Variants in SZT2 observed in about 807,000 individuals in gnomAD.
SZT2 encodes KICSTOR complex protein SZT2.
Under a neutral mutation model 404.2 loss-of-function variants are expected in SZT2, and 216 were observed. The observed-to-expected ratio is 0.53, with a 90% CI of 0.48 to 0.60. The LOEUF (loss-of-function observed/expected upper bound fraction) is 0.60, where lower values mean the gene tolerates loss of function less well. Ranked by LOEUF, SZT2 falls within the 20% of genes least tolerant of loss-of-function variation. The pLI, the probability that SZT2 is intolerant of heterozygous loss-of-function variation, is 0.00. For synonymous variants in SZT2, 1,693 were observed against 1,749.9 expected (o/e 0.97, Z 0.81); for missense variants, 3,857 against 4,459.2 (o/e 0.86, Z 3.85).
chr1:43,440,638 C>G lies in SZT2; in HGVS notation c.7344+52C>G. 2.7e-6 allele frequency: 4 copies of G among 1,499,510 alleles called. No individual in the cohort carries two copies. In the South Asian group the frequency reaches 5.5e-5, roughly 21 times the overall value. 92.9% of individuals were successfully genotyped at this position (1,499,510 alleles called of 1,614,324 possible). A position where few individuals can be genotyped will look rare whatever the true frequency, so the allele number is the denominator to read the frequency against. The stretch of plus-strand genomic sequence containing the variant: ...ATCTACCTTTCTGCCTGCCTCCTAG[C>G]TCCTCCCACACTCCCTCCTGCTTCC... On this transcript the variant is annotated intron_variant, in intron 52 of 71. Transcript: ENST00000634258.
Position 43,422,794 on chromosome 1 carries a change from T to G in SZT2, c.1948T>G (p.Phe650Val). The change falls in exon 14 of 72, where the codon TTC (phenylalanine) becomes GTC (valine). Residue 650 changes from phenylalanine to valine, a missense_variant. Around this residue, in one of 7 missense-constraint regions of SZT2, gnomAD observed 1,725 missense variants for 1,881.0 expected, o/e 0.92. Transcript: ENST00000634258. ...SSAPDQPPNSFYMVRIISKAP... is the reference protein window; with the variant it reads ...SSAPDQPPNSVYMVRIISKAP... ...TGCCCCAGACCAGCCCCCCAATTCCTTCTACATGGTCCGTATCATTTCCAA... is the reference window on the plus strand; with the variant it reads ...TGCCCCAGACCAGCCCCCCAATTCCGTCTACATGGTCCGTATCATTTCCAA... The G allele has an allele frequency of 1.3e-6, 2 of 1,591,968 alleles. No individual in the cohort carries two copies. Among genetic ancestry groups the G allele is most frequent in the Non-Finnish European group, 1.7e-6 (2 of 1,177,030 alleles).
chr1:43,422,924 G>C, intron 14 of SZT2, 41 bp downstream of exon 14: 2 of 1,538,782 alleles, frequency 1.3e-6, no homozygotes, highest in Non-Finnish European at 1.7e-6. Context: ...GGAGCCCTAG[G>C]GTGTAGGATA....
chr1:43,448,768 C>A lies in SZT2; in HGVS notation c.10086+40C>A. 1.3e-6 allele frequency: 2 copies of A among 1,564,842 alleles called. No individual in the cohort carries two copies. Among genetic ancestry groups the A allele is most frequent in the Non-Finnish European group, 1.8e-6 (2 of 1,135,742 alleles). On this transcript the variant is annotated intron_variant, in intron 70 of 71. Coordinates refer to ENST00000634258, the MANE Select transcript of SZT2 (RefSeq NM_001365999.1). This position sits in a 1 kb window ranked among gnomAD's most constrained non-coding sequence, Gnocchi z 4.2. ...GCTTCCTCTGAAAAGGGAAACACAGCAGAAATCCTCACCAAACAGATGTGC... is the reference window on the plus strand; with the variant it reads ...GCTTCCTCTGAAAAGGGAAACACAGAAGAAATCCTCACCAAACAGATGTGC...
chr1:43,452,040 A>G lies in SZT2; in HGVS notation c.*1560A>G. 6.3e-7 allele frequency: 1 copy of G among 1,588,802 alleles called. No individual in the cohort carries two copies. Among genetic ancestry groups the G allele is most frequent in the Non-Finnish European group, 8.6e-7 (1 of 1,164,266 alleles). ...TAGCAGCATGTCGGGTGCTGTGAATAGAGCTCCTTCCCAAGTTTGTCCCCC... is the reference window on the plus strand; with the variant it reads ...TAGCAGCATGTCGGGTGCTGTGAATGGAGCTCCTTCCCAAGTTTGTCCCCC... On this transcript the variant is annotated 3_prime_UTR_variant, in exon 72 of 72. Transcript: ENST00000634258.
intron 35 of SZT2, 63 bp downstream of exon 35, chr1:43,431,586 AC>A: frequency 1.2e-6 from 2 of 1,607,946 alleles, no homozygotes; most frequent in Non-Finnish European, 1.7e-6. Context: ...GAGATAAGGT[AC>A]CCCCTTTGTT....
chr1:43,449,708 G>A, intron 70 of SZT2: 1 of 302,236 alleles, frequency 3.3e-6, no homozygotes, highest in Non-Finnish European at 6.5e-6. Context: ...TCCCGGGATG[G>A]ATCACCAAGC....
At position 43,447,622 on chromosome 1, in the gene SZT2, C is replaced by T; in HGVS notation, c.9364C>T (p.His3122Tyr). ...NYVADHASSY[H>Y]MKPLRMARPG... Reference sequence around the variant, plus strand: ...CGTGGCTGATCACGCCAGCTCTTACCACATGAAGCCATTGCGAATGGCCCG... The same window carrying T: ...CGTGGCTGATCACGCCAGCTCTTACTACATGAAGCCATTGCGAATGGCCCG... Residue 3122 changes from histidine to tyrosine, a missense_variant, in exon 67 of 72, where the codon CAC (histidine) becomes TAC (tyrosine). By Grantham distance (83) the His-to-Tyr change is moderately conservative. Coordinates refer to ENST00000634258, the MANE Select transcript of SZT2 (RefSeq NM_001365999.1). The T allele has an allele frequency of 1.9e-6, 3 of 1,614,218 alleles. No homozygotes were observed. Among genetic ancestry groups the T allele is most frequent in the African/African-American group, 1.3e-5 (1 of 75,046 alleles).
intron 1 of SZT2, among the ~76,000 whole-genome samples, chr1:43,391,832 AGC>A (rs1648373390): frequency 4.2e-5 from 5 of 120,326 alleles, no homozygotes; most frequent in African/African-American, 1.6e-4. Flanking sequence ...CTGTAATCCC[AGC>A]ACTTTGGGAG....
rs772440950 is a variant in SZT2 at position 43,453,740 on chromosome 1, G to A, written c.*3260G>A. 7.2e-7 allele frequency: 1 copy of A among 1,387,046 alleles called. No individual in the cohort carries two copies. The highest frequency in any genetic ancestry group is 9.2e-7 in the Non-Finnish European group (1 of 1,082,568). 85.9% of individuals were successfully genotyped at this position (1,387,046 alleles called of 1,614,324 possible). A position where few individuals can be genotyped will look rare whatever the true frequency, so the allele number is the denominator to read the frequency against. ...CGGCCCGCACCCGCGCGGGGAGGCC[G>A]GAGAGCTCGGGGAATAGCCAGGACA... On this transcript the variant is annotated 3_prime_UTR_variant, in exon 72 of 72. Coordinates refer to ENST00000634258, the MANE Select transcript of SZT2 (RefSeq NM_001365999.1).
chr1:43,420,023 A>G lies in SZT2; in HGVS notation c.1090+79A>G. On this transcript the variant is annotated intron_variant, in intron 8 of 71. Coordinates refer to ENST00000634258, the MANE Select transcript of SZT2 (RefSeq NM_001365999.1). This position sits in a 1 kb window ranked among gnomAD's most constrained non-coding sequence, Gnocchi z 5.1. ...GAGATGATGGGGCCCTGGAGGACTG[A>G]AAGTGTAACTGGGGCTGGCTCTGCT... 6.4e-7 allele frequency: 1 copy of G among 1,574,218 alleles called. No homozygotes were observed. The highest frequency in any genetic ancestry group is 8.6e-7 in the Non-Finnish European group (1 of 1,162,346).
In SZT2 at chr1:43,389,933, C is replaced by A; in HGVS notation, c.-36C>A. On this transcript the variant is annotated 5_prime_UTR_variant, in exon 1 of 72. Transcript: ENST00000634258. ...AGGTCAGGGGTCAAGAGTGGAACAC[C>A]CTCACTGGCCCGGGCCGGCGCGGGA... 2 of 1,489,302 alleles carry A rather than the reference C, an allele frequency of 1.3e-6. No homozygotes were observed. Among genetic ancestry groups the A allele is most frequent in the South Asian group, 1.3e-5 (1 of 77,894 alleles). The allele number at this position is 1,489,302 out of a possible 1,614,324, so 92.3% of individuals were successfully genotyped here.
At chr1:43,446,677 C>G in intron 65 of SZT2, 1 of 620,610 alleles carries the variant, frequency 1.6e-6, no homozygotes, top group Non-Finnish European at 2.8e-6. Context: ...CTGTAGTCAT[C>G]TAGAGTCTGT....
At chr1:43,417,269 A>AG (rs1651822999) in intron 7 of SZT2, among the ~76,000 whole-genome samples, 2 of 152,264 alleles carry the variant, frequency 1.3e-5, no homozygotes, top group African/African-American at 2.4e-5. Context: ...GGCTTAAATT[A>AG]GGGGTAAGAG....
rs530289263 is a variant in SZT2 at position 43,442,404 on chromosome 1, G to T, written c.7974+36G>T. 6 of 1,612,492 alleles carry T rather than the reference G, an allele frequency of 3.7e-6. No individual in the cohort carries two copies. Among genetic ancestry groups the T allele is most frequent in the Middle Eastern group, 1.6e-4 (1 of 6,072 alleles). ...GGCCAGGGACTGGGTGGGAAGAGGG[G>T]TTCCGTGATCTCACTGACCCTGACC... is the stretch of plus-strand genomic sequence containing the variant. On this transcript the variant is annotated intron_variant, in intron 57 of 71. Coordinates refer to ENST00000634258, the MANE Select transcript of SZT2 (RefSeq NM_001365999.1). This position sits in a 1 kb window ranked among gnomAD's most constrained non-coding sequence, Gnocchi z 4.5.
At chr1:43,405,514 A>G (rs529311383) in intron 4 of SZT2, 1 of 152,242 alleles carries the variant, frequency 6.6e-6, no homozygotes, top group South Asian at 2.1e-4. Flanking sequence ...AACTACCCTT[A>G]ACTCATTGGT....
In SZT2 at chr1:43,451,514, C is replaced by G; in HGVS notation, c.*1034C>G. On this transcript the variant is annotated 3_prime_UTR_variant, in exon 72 of 72. Transcript: ENST00000634258. ...CTCTCCGGGGCTGCTGGGCTCCCCT[C>G]GGCCTGGGACCTGTGCCACCTGCAC... 6.2e-7 allele frequency: 1 copy of G among 1,614,138 alleles called. No homozygotes were observed. The highest frequency in any genetic ancestry group is 8.5e-7 in the Non-Finnish European group (1 of 1,180,034).
At position 43,438,824 on chromosome 1, in the gene SZT2, TC is replaced by T; in HGVS notation, c.6627+11del. Reference sequence around the variant, plus strand: ...GACACCAGCTGATGTGGAGGTCAGCTCCCCTCTAGGCACCAGCATCCTTCCC... The same window carrying T: ...GACACCAGCTGATGTGGAGGTCAGCTCCCTCTAGGCACCAGCATCCTTCCC... On this transcript the variant is annotated splice_region_variant and intron_variant, in intron 47 of 71. Transcript: ENST00000634258. 1 of 1,612,538 alleles carries T rather than the reference TC, an allele frequency of 6.2e-7. No homozygotes were observed. Among genetic ancestry groups the T allele is most frequent in the African/African-American group, 1.3e-5 (1 of 74,994 alleles).
rs1017964453 is a variant in SZT2, at chr1:43,431,818, C to T, written c.5191C>T (p.Pro1731Ser). Reference protein sequence around the residue: ...HRAAAHIHSSPGRSTCLRQTL... With the variant: ...HRAAAHIHSSSGRSTCLRQTL... ...CGCAGCTGCCCATATCCATAGTTCT[C>T]CTGGACGCTCCACCTGCCTTCGCCA... Residue 1731 changes from proline to serine, a missense_variant, in exon 36 of 72, where the codon CCT becomes TCT. By Grantham distance (74) the Pro-to-Ser change is moderately conservative. Around this residue, in one of 7 missense-constraint regions of SZT2, gnomAD observed 1,725 missense variants for 1,881.0 expected, o/e 0.92. Transcript: ENST00000634258. 2 of 1,614,068 alleles carry T rather than the reference C, an allele frequency of 1.2e-6. No homozygotes were observed. The highest frequency in any genetic ancestry group is 1.3e-5 in the African/African-American group (1 of 74,924).
chr1:43,453,860 G>GCGGGCGA lies in SZT2; in HGVS notation c.*3386_*3387insACGGGCG, dbSNP rs1392562603. ...GGCGGCGGGCGGCGGGCGGCGGGCGGCGGGCGGGGGCGGGGCTCTCCTTGC... is the reference window on the plus strand; with the variant it reads ...GGCGGCGGGCGGCGGGCGGCGGGCGGCGGGCGACGGGCGGGGGCGGGGCTCTCCTTGC... On this transcript the variant is annotated 3_prime_UTR_variant, in exon 72 of 72. Transcript: ENST00000634258. The GCGGGCGA allele has an allele frequency of 7.3e-6, 9 of 1,227,802 alleles. No homozygotes were observed. The African/African-American group carries it at 9.5e-5, about 13-fold the overall frequency. 76.1% of individuals were successfully genotyped at this position (1,227,802 alleles called of 1,614,324 possible).
Sources: gnomAD v4.1 joint callset for allele counts (sites outside exome capture counted in the v4.1 genomes callset) on GRCh38, gnomAD v4.1.1 for gene constraint, gnomAD v4.1.1 regional missense constraint, Gnocchi (gnomAD v3.1) non-coding constraint, MANE v1.5 for transcripts, NCBI Gene and HGNC (gene_info 2026-07-23, HGNC 2026-07-21) for gene names.